KPNA7: variants seen among roughly 807,000 people sequenced by gnomAD.
KPNA7 encodes karyopherin subunit alpha 7.
A neutral mutation model predicts 53.7 loss-of-function variants in KPNA7; 54 were observed. The ratio of observed to expected loss-of-function variants is 1.01; its 90% CI spans 0.81 to 1.26. The LOEUF is 1.26. KPNA7 is among the 50% of genes most tolerant of loss of function. The pLI is 0.00. For missense variants in KPNA7, 640 were observed against 644.5 expected (o/e 0.99, Z 0.07); for synonymous variants, 276 against 259.3 (o/e 1.06, Z -0.62).
intron 6 of KPNA7, among the ~76,000 whole-genome samples, chr7:99,190,711 A>C (rs771646411): frequency 2.0e-5 from 3 of 149,024 alleles, no homozygotes; most frequent in Admixed American, 1.4e-4. Flanking sequence ...GCTGGAGTGC[A>C]GTGGTGCAAT....
At chr7:99,168,475 T>C in the KPNA7 span, among the ~76,000 whole-genome samples, 1 of 152,134 alleles carries the variant, frequency 6.6e-6, no homozygotes, top group African/African-American at 2.4e-5. Flanking sequence ...CTGCTCTTAC[T>C]TGGTGTTCAT....
chr7:99,203,069 A>G, intron 3 of KPNA7, 37 bp downstream of exon 3: 1 of 1,541,026 alleles, frequency 6.5e-7, no homozygotes, highest in Non-Finnish European at 8.8e-7. Context: ...CTAAGAACAT[A>G]TTTTGCCCAA....
At chr7:99,189,129 C>G (rs1789801471) in intron 6 of KPNA7, among the ~76,000 whole-genome samples, 1 of 152,106 alleles carries the variant, frequency 6.6e-6, no homozygotes. Context: ...TGATTGATGA[C>G]CTAATTTCAT....
intron 1 of KPNA7, among the ~76,000 whole-genome samples, chr7:99,215,877 G>A (rs1442639154): frequency 6.6e-6 from 1 of 151,934 alleles, no homozygotes; most frequent in African/African-American, 2.4e-5. Context: ...AGGAGGCTAA[G>A]GCAGGAGGAT....
intron 6 of KPNA7, among the ~76,000 whole-genome samples, chr7:99,191,222 A>G (rs1237964930): frequency 1.3e-5 from 2 of 150,424 alleles, no homozygotes; most frequent in Non-Finnish European, 2.9e-5. Flanking sequence ...CAGTGGCACA[A>G]TCTCGGCTCA....
intron 3 of KPNA7, among the ~76,000 whole-genome samples, chr7:99,196,986 G>A (rs1790258420): frequency 6.6e-6 from 1 of 151,862 alleles, no homozygotes; most frequent in South Asian, 2.1e-4. Flanking sequence ...AACTTGAAAG[G>A]GAATGTCATG....
chr7:99,160,306 G>A, the KPNA7 span, among the ~76,000 whole-genome samples: 2 of 151,556 alleles, frequency 1.3e-5, no homozygotes, highest in African/African-American at 2.4e-5. Flanking sequence ...GATTACAGGC[G>A]TGAGCCACGC....
intron 6 of KPNA7, 23 bp downstream of exon 6, chr7:99,192,996 A>G (rs762861608): frequency 1.3e-4 from 192 of 1,443,334 alleles, no homozygotes; most frequent in South Asian, 3.8e-4. Context: ...AAAAAAAAAA[A>G]AGAGAAAGAA....
the KPNA7 span, among the ~76,000 whole-genome samples, chr7:99,158,641 C>T: frequency 6.6e-6 from 1 of 151,936 alleles, no homozygotes; most frequent in Non-Finnish European, 1.5e-5. Context: ...GTAGCTGGGA[C>T]TGTAGGTGTG....
upstream of KPNA7, among the ~76,000 whole-genome samples, chr7:99,208,774 G>A (rs539104100): frequency 6.6e-6 from 1 of 152,206 alleles, no homozygotes; most frequent in Non-Finnish European, 1.5e-5. Flanking sequence ...CCAATGCTGG[G>A]CATAGCAGTA....
At chr7:99,176,443 G>A (rs144595932) in intron 10 of KPNA7, among the ~76,000 whole-genome samples, 68 of 152,326 alleles carry the variant, frequency 4.5e-4, no homozygotes, top group Admixed American at 1.2e-3. Context: ...CGGCAAGGGT[G>A]TGGAGAAATT....
chr7:99,200,445 T>G (rs1240736593), intron 3 of KPNA7, among the ~76,000 whole-genome samples: 1 of 152,154 alleles, frequency 6.6e-6, no homozygotes, highest in Non-Finnish European at 1.5e-5. Context: ...TTTAATCACA[T>G]ATGCTACATC....
chr7:99,191,248 C>A (rs1789938058), intron 6 of KPNA7, among the ~76,000 whole-genome samples: 1 of 151,880 alleles, frequency 6.6e-6, no homozygotes, highest in Non-Finnish European at 1.5e-5. Flanking sequence ...ACCTCCACCT[C>A]CCAGGTTCAA....
At chr7:99,168,601 C>T (rs984771311), downstream of KPNA7, among the ~76,000 whole-genome samples, 1 of 152,086 alleles carries the variant, frequency 6.6e-6, no homozygotes, top group African/African-American at 2.4e-5. Context: ...GCCTCAACCT[C>T]CTGGGCTCAA....
At chr7:99,196,263 C>T in intron 3 of KPNA7, 97 bp from the exon 4 acceptor site, 1 of 820,584 alleles carries the variant, frequency 1.2e-6, no homozygotes, top group Non-Finnish European at 2.0e-6. Context: ...AACAGCCTGG[C>T]TTGAACAGGA....
chr7:99,192,505 TG>T (rs1279040146), intron 6 of KPNA7, among the ~76,000 whole-genome samples: 1 of 152,150 alleles, frequency 6.6e-6, no homozygotes, highest in Admixed American at 6.5e-5. Flanking sequence ...CTCCCTCTCC[TG>T]GGCTCAAGCA....
intron 6 of KPNA7, among the ~76,000 whole-genome samples, chr7:99,189,769 T>C (rs1268464410): frequency 1.3e-5 from 2 of 151,850 alleles, no homozygotes; most frequent in Non-Finnish European, 2.9e-5. Flanking sequence ...CTAGACATGC[T>C]TTTTGTAGAG....
chr7:99,209,510 C>T (rs1346277279), upstream of KPNA7, among the ~76,000 whole-genome samples: 1 of 151,730 alleles, frequency 6.6e-6, no homozygotes, highest in East Asian at 1.9e-4. Context: ...ATGGCGAAAC[C>T]CTGTCTCTAC....
chr7:99,173,970 T>C (rs543487804), intron 10 of KPNA7, among the ~76,000 whole-genome samples, 176 bp from the exon 11 acceptor site: 1 of 151,892 alleles, frequency 6.6e-6, no homozygotes, highest in African/African-American at 2.4e-5. Flanking sequence ...CACCCACCTC[T>C]AGAACTTTTT....
Sources: gnomAD v4.1 joint callset for allele counts (sites outside exome capture counted in the v4.1 genomes callset) on GRCh38, gnomAD v4.1.1 for gene constraint, MANE v1.5 for transcripts, NCBI Gene and HGNC (gene_info 2026-07-23, HGNC 2026-07-21) for gene names.